Variants in PCDH15 observed in about 807,000 individuals in gnomAD.
The protein encoded by PCDH15 is protocadherin-15.
In PCDH15, 129 loss-of-function variants were observed where a neutral mutation model predicts 178.5. The ratio of observed to expected loss-of-function variants is 0.72; its 90% confidence interval spans 0.63 to 0.84. The LOEUF is 0.84. Among genes scored for constraint, PCDH15 ranks in the 40% least tolerant of loss-of-function variants. The pLI is 0.00. For synonymous variants in PCDH15, 800 were observed against 732.0 expected (o/e 1.09, Z -1.50); for missense variants, 2,230 against 2,099.9 (o/e 1.06, Z -1.21).
intron 2 of PCDH15, among the ~76,000 whole-genome samples, chr10:55,349,408 T>A (rs995401538): frequency 2.6e-5 from 4 of 152,178 alleles, no homozygotes; most frequent in Non-Finnish European, 5.9e-5. Flanking sequence ...TTGACAGACA[T>A]CTATTCACAT....
At chr10:55,572,818 T>C (rs1489957616) in intron 2 of PCDH15, among the ~76,000 whole-genome samples, 1 of 151,918 alleles carries the variant, frequency 6.6e-6, no homozygotes, top group Non-Finnish European at 1.5e-5. Flanking sequence ...TCGTGTAAAG[T>C]GCAATAATGA....
intron 23 of PCDH15, among the ~76,000 whole-genome samples, chr10:53,956,701 T>C (rs2087646558): frequency 6.6e-6 from 1 of 152,150 alleles, no homozygotes; most frequent in African/African-American, 2.4e-5. Context: ...ATTCTCTTTA[T>C]AACTCAGAAT....
intron 2 of PCDH15, among the ~76,000 whole-genome samples, chr10:55,516,021 G>A (rs962104018): frequency 6.6e-6 from 1 of 151,956 alleles, no homozygotes; most frequent in Non-Finnish European, 1.5e-5. Context: ...CTCATTCTTC[G>A]AGAAAATTAT....
intron 3 of PCDH15, among the ~76,000 whole-genome samples, chr10:54,452,775 G>T (rs1398263425): frequency 2.0e-5 from 3 of 152,022 alleles, no homozygotes; most frequent in Non-Finnish European, 4.4e-5. Flanking sequence ...CATCTCTTTT[G>T]TTGGAACTCA....
intron 2 of PCDH15, among the ~76,000 whole-genome samples, chr10:54,910,396 A>G (rs1315300550): frequency 6.6e-6 from 1 of 152,140 alleles, no homozygotes; most frequent in Admixed American, 6.5e-5. Flanking sequence ...TTTTTTCCTT[A>G]TATTTGAGTG....
At chr10:55,524,442 G>A (rs907736056) in intron 2 of PCDH15, among the ~76,000 whole-genome samples, 15 of 151,616 alleles carry the variant, frequency 9.9e-5, no homozygotes, top group African/African-American at 3.6e-4. Context: ...GTATGTAAAA[G>A]AATGTAAAAT....
At chr10:54,436,391 TC>T (rs1316063569) in intron 3 of PCDH15, among the ~76,000 whole-genome samples, 1 of 151,774 alleles carries the variant, frequency 6.6e-6, no homozygotes, top group East Asian at 1.9e-4. Context: ...GGTTTACTCA[TC>T]AGATAAAATA....
At chr10:54,334,004 G>C (rs1940464924) in intron 6 of PCDH15, among the ~76,000 whole-genome samples, 1 of 152,154 alleles carries the variant, frequency 6.6e-6, no homozygotes, top group South Asian at 2.1e-4. Flanking sequence ...CCCCCTTTCT[G>C]ATAGTCGTGG....
At chr10:55,317,648 A>C (rs1843760077) in intron 1 of PCDH15, among the ~76,000 whole-genome samples, 1 of 152,076 alleles carries the variant, frequency 6.6e-6, no homozygotes, top group African/African-American at 2.4e-5. Context: ...CTCTCATACT[A>C]TAGTCACCCA....
chr10:55,106,977 T>A (rs1837364366), intron 2 of PCDH15, among the ~76,000 whole-genome samples: 1 of 152,210 alleles, frequency 6.6e-6, no homozygotes, highest in Admixed American at 6.5e-5. Context: ...AATGGAGTAA[T>A]CTTTAGTCCA....
At chr10:55,552,743 C>A (rs574828898) in intron 2 of PCDH15, among the ~76,000 whole-genome samples, 1 of 151,360 alleles carries the variant, frequency 6.6e-6, no homozygotes, top group Admixed American at 6.6e-5. Context: ...GCATGACTTA[C>A]AAATATTATA....
chr10:54,657,244 T>C (rs1405806366), intron 2 of PCDH15, among the ~76,000 whole-genome samples: 9 of 152,158 alleles, frequency 5.9e-5, no homozygotes. Flanking sequence ...AGCGGCATGA[T>C]AGGGAAGCAG....
At position 54,958,237 on chromosome 10, in the gene PCDH15, C is replaced by T. The variant is rs12219306; in HGVS notation, c.-79-60737G>A. Among the ~76,000 whole-genome samples the T allele has an allele frequency of 2.5e-3, 328 of 130,296 alleles. 11 individuals are homozygous for T. In the East Asian group the frequency reaches 0.062, roughly 25 times the overall value. 85.5% of individuals were successfully genotyped at this position (130,296 alleles called of 152,430 possible). ...AGTACACAGGGTAGTAAATTTGTCT[C>T]TTTTTTTTCTCTTGGTAATTTGTCT... On this transcript the variant is annotated intron_variant, in intron 2 of 5. Transcript: ENST00000458638.
At chr10:55,488,534 T>C (rs1248257305) in intron 2 of PCDH15, among the ~76,000 whole-genome samples, 1 of 151,558 alleles carries the variant, frequency 6.6e-6, no homozygotes, top group African/African-American at 2.4e-5. Context: ...CAAATAAATA[T>C]CAGATAGTTC....
intron 6 of PCDH15, among the ~76,000 whole-genome samples, chr10:54,335,901 G>C (rs188868425): frequency 9.7e-4 from 148 of 152,266 alleles, no homozygotes; most frequent in African/African-American, 2.9e-3. Context: ...GAAAAGGTGG[G>C]AATGTTTGGA....
chr10:54,887,012 G>A (rs1652140300), intron 3 of PCDH15, among the ~76,000 whole-genome samples: 3 of 151,996 alleles, frequency 2.0e-5, no homozygotes, highest in Non-Finnish European at 4.4e-5. Flanking sequence ...TGTTAGTTTG[G>A]GATAGCAAAG....
At position 54,883,512 on chromosome 10, in the gene PCDH15, T is replaced by C. The variant is rs185800078; in HGVS notation, c.-29+13938A>G. 3.0e-3 allele frequency among the ~76,000 whole-genome samples: 454 copies of C among 152,080 alleles called. 3 individuals carry two copies. The highest frequency in any genetic ancestry group is 0.011 in the African/African-American group (443 of 41,554). On this transcript the variant is annotated intron_variant, in intron 3 of 5. Transcript: ENST00000458638. ...GAAAGAGATAAATAATATCTCCAATTCAAGCTTTATACTTAGGTAGGAAGT... is the reference window on the plus strand; with the variant it reads ...GAAAGAGATAAATAATATCTCCAATCCAAGCTTTATACTTAGGTAGGAAGT...
chr10:54,046,019 C>T (rs1911407), intron 18 of PCDH15, among the ~76,000 whole-genome samples: 104,372 of 151,976 alleles, frequency 0.69, 36,341 homozygotes, highest in Middle Eastern at 0.78. Flanking sequence ...TTTACTCCAA[C>T]AGATAAATAA....
chr10:54,982,660 T>G (rs898708698), intron 2 of PCDH15, among the ~76,000 whole-genome samples: 1 of 152,116 alleles, frequency 6.6e-6, no homozygotes, highest in Non-Finnish European at 1.5e-5. Context: ...AACAATATGG[T>G]TGTTACAGTG....
Sources: allele counts gnomAD v4.1 joint callset (sites outside exome capture counted in the v4.1 genomes callset), GRCh38; gene constraint gnomAD v4.1.1; transcripts MANE v1.5; gene names NCBI Gene and HGNC (gene_info 2026-07-23, HGNC 2026-07-21).